RABGAP1L: variants seen among roughly 807,000 people sequenced by gnomAD.
RABGAP1L encodes rab GTPase-activating protein 1-like.
A neutral mutation model predicts 137.7 loss-of-function variants in RABGAP1L; 63 were observed. That is an observed-to-expected ratio of 0.46 (90% CI 0.37 to 0.56). The LOEUF is 0.56. Among genes scored for constraint, RABGAP1L ranks in the 20% least tolerant of loss-of-function variants. The probability of loss-of-function intolerance (pLI) is 0.00; values close to 1 mark genes in which losing one functional copy is unlikely to be tolerated. For missense variants in RABGAP1L, 1,095 were observed against 1,244.0 expected (o/e 0.88, Z 1.80); for synonymous variants, 431 against 433.7 (o/e 0.99, Z 0.08).
At chr1:174,229,557 A>G (rs1670462137) in intron 3 of RABGAP1L, among the ~76,000 whole-genome samples, 1 of 152,102 alleles carries the variant, frequency 6.6e-6, no homozygotes, top group African/African-American at 2.4e-5. Context: ...GGGCAAGCAC[A>G]GGTTAAAAAA....
At chr1:174,470,493 A>G (rs1005432654) in intron 13 of RABGAP1L, among the ~76,000 whole-genome samples, 1 of 152,136 alleles carries the variant, frequency 6.6e-6, no homozygotes, top group African/African-American at 2.4e-5. Flanking sequence ...TTGGCCTGGC[A>G]TAGTGGCTCA....
At chr1:174,453,921 G>A (rs1239530417) in intron 13 of RABGAP1L, among the ~76,000 whole-genome samples, 1 of 151,996 alleles carries the variant, frequency 6.6e-6, no homozygotes, top group African/African-American at 2.4e-5. Flanking sequence ...TTTACAATGA[G>A]CATTGGTAAA....
At chr1:174,751,036 T>C (rs1350639463) in intron 17 of RABGAP1L, among the ~76,000 whole-genome samples, 1 of 152,190 alleles carries the variant, frequency 6.6e-6, no homozygotes, top group Admixed American at 6.5e-5. Flanking sequence ...TCAAAACCAG[T>C]CCAGGATAAT....
intron 13 of RABGAP1L, among the ~76,000 whole-genome samples, chr1:174,484,408 T>C (rs1426659701): frequency 2.0e-5 from 3 of 152,218 alleles, no homozygotes; most frequent in Non-Finnish European, 4.4e-5. Context: ...TTTACCTTGA[T>C]GTGATCCCAT....
At chr1:174,896,411 T>C (rs1391394388) in intron 19 of RABGAP1L, among the ~76,000 whole-genome samples, 2 of 152,230 alleles carry the variant, frequency 1.3e-5, no homozygotes, top group Non-Finnish European at 2.9e-5. Context: ...CTGATGATAG[T>C]TTCTTCTGCT....
intron 11 of RABGAP1L, among the ~76,000 whole-genome samples, chr1:174,307,708 T>C (rs1678430205): frequency 6.6e-6 from 1 of 152,154 alleles, no homozygotes; most frequent in South Asian, 2.1e-4. Context: ...ATTTTGTTTA[T>C]CCATTCATCT....
At chr1:174,369,254 A>G (rs1388649387) in intron 11 of RABGAP1L, among the ~76,000 whole-genome samples, 2 of 152,168 alleles carry the variant, frequency 1.3e-5, no homozygotes, top group African/African-American at 4.8e-5. Context: ...CAGTGGCACA[A>G]TCTTGGCTCA....
intron 15 of RABGAP1L, among the ~76,000 whole-genome samples, chr1:174,687,803 A>G (rs1678591926): frequency 6.6e-6 from 1 of 152,228 alleles, no homozygotes; most frequent in Admixed American, 6.5e-5. Context: ...TTCCTCACCC[A>G]TAGTCATTTA....
intron 4 of RABGAP1L, among the ~76,000 whole-genome samples, chr1:174,240,117 G>GAAAC (rs1671668538): frequency 6.6e-6 from 1 of 152,176 alleles, no homozygotes; most frequent in Admixed American, 6.5e-5. Context: ...TTAGTGTTTT[G>GAAAC]ACTTGCCTCT....
chr1:174,403,952 C>T (rs1253384491), intron 13 of RABGAP1L, among the ~76,000 whole-genome samples: 1 of 152,034 alleles, frequency 6.6e-6, no homozygotes, highest in Admixed American at 6.6e-5. Flanking sequence ...CTCCTAAATA[C>T]TGTGTTATAT....
intron 13 of RABGAP1L, among the ~76,000 whole-genome samples, chr1:174,452,318 A>C (rs561550946): frequency 6.6e-6 from 1 of 152,290 alleles, no homozygotes; most frequent in African/African-American, 2.4e-5. Flanking sequence ...AATTGACACT[A>C]TTAGTATATG....
intron 13 of RABGAP1L, among the ~76,000 whole-genome samples, chr1:174,491,151 A>G (rs1660188629): frequency 6.6e-6 from 1 of 152,040 alleles, no homozygotes; most frequent in African/African-American, 2.4e-5. Flanking sequence ...GTCTGTCATC[A>G]TAGCTACCAC....
At chr1:174,318,580 T>TTTTCTTTCTTTCTCTC (rs1679622326) in intron 11 of RABGAP1L, among the ~76,000 whole-genome samples, 1 of 117,550 alleles carries the variant, frequency 8.5e-6, no homozygotes, top group Non-Finnish European at 1.8e-5. Flanking sequence ...TTGGTGATTG[T>TTTTCTTTCTTTCTCTC]TTTCTTTCTT....
At chr1:174,213,173 C>G (rs1669030398) in intron 1 of RABGAP1L, among the ~76,000 whole-genome samples, 1 of 152,132 alleles carries the variant, frequency 6.6e-6, no homozygotes, top group Non-Finnish European at 1.5e-5. Context: ...GCCTGTAATC[C>G]CAGCACTTTG....
At chr1:174,542,543 A>G (rs6697875) in intron 13 of RABGAP1L, among the ~76,000 whole-genome samples, 147,265 of 151,986 alleles carry the variant, frequency 0.97, 71,372 homozygotes, top group Middle Eastern at 1. Context: ...TCAAAAAACC[A>G]GCTCCTGGAT....
intron 19 of RABGAP1L, among the ~76,000 whole-genome samples, chr1:174,839,570 C>A (rs769543889): frequency 4.6e-5 from 7 of 152,188 alleles, no homozygotes; most frequent in Non-Finnish European, 8.8e-5. Context: ...TGATGCATTA[C>A]AGGGAGGGCT....
chr1:174,376,686 GC>G (rs1248141061), intron 12 of RABGAP1L, among the ~76,000 whole-genome samples: 1 of 152,078 alleles, frequency 6.6e-6, no homozygotes, highest in Non-Finnish European at 1.5e-5. Flanking sequence ...AAACCTCTGA[GC>G]AAGCTAGGAA....
At chr1:174,503,395 C>T (rs973716112) in intron 13 of RABGAP1L, among the ~76,000 whole-genome samples, 1 of 152,126 alleles carries the variant, frequency 6.6e-6, no homozygotes, top group African/African-American at 2.4e-5. Flanking sequence ...AGCATGATGG[C>T]TCATGCCTGT....
intron 17 of RABGAP1L, among the ~76,000 whole-genome samples, chr1:174,743,530 T>G (rs986772504): frequency 2.6e-5 from 4 of 152,180 alleles, no homozygotes; most frequent in African/African-American, 9.7e-5. Flanking sequence ...TTTTATCTAA[T>G]TCAGATGTCA....
Sources: gnomAD v4.1 joint callset for allele counts (sites outside exome capture counted in the v4.1 genomes callset) on GRCh38, gnomAD v4.1.1 for gene constraint, MANE v1.5 for transcripts, NCBI Gene and HGNC (gene_info 2026-07-23, HGNC 2026-07-21) for gene names.